Variants in ANKDD1B observed in about 807,000 individuals in gnomAD.
ANKDD1B encodes the protein ankyrin repeat and death domain-containing protein 1B.
In ANKDD1B, 57 loss-of-function variants were observed where a neutral mutation model predicts 59.7. That is an observed-to-expected ratio of 0.95 (90% CI 0.77 to 1.19). The LOEUF (loss-of-function observed/expected upper bound fraction) is 1.19. Ranked by LOEUF, ANKDD1B falls within the 50% of genes most tolerant of loss-of-function variation. ANKDD1B has a pLI of 0.00. For synonymous variants in ANKDD1B, 216 were observed against 239.5 expected (o/e 0.90, Z 0.91); for missense variants, 602 against 641.9 (o/e 0.94, Z 0.67).
At chr5:75,626,230 A>G (rs1365624535) in intron 5 of ANKDD1B, among the ~76,000 whole-genome samples, 1 of 152,202 alleles carries the variant, frequency 6.6e-6, no homozygotes, top group East Asian at 1.9e-4. Flanking sequence ...TGTGGATAGT[A>G]TCCTATCCCC....
intron 6 of ANKDD1B, 129 bp from the exon 7 acceptor site, chr5:75,635,655 T>C (rs965815767): frequency 2.4e-5 from 11 of 455,678 alleles, no homozygotes; most frequent in Admixed American, 4.0e-5. Flanking sequence ...GCAGATACAG[T>C]GGTCCACACT....
At chr5:75,632,562 GCAGGAGCC>G (rs1466118950) in intron 5 of ANKDD1B, among the ~76,000 whole-genome samples, 2 of 152,202 alleles carry the variant, frequency 1.3e-5, no homozygotes, top group African/African-American at 4.8e-5. Flanking sequence ...GGTAGAAGAG[GCAGGAGCC>G]TATAATTAAC....
At chr5:75,633,550 C>T (rs1208849085) in intron 5 of ANKDD1B, among the ~76,000 whole-genome samples, 1 of 152,122 alleles carries the variant, frequency 6.6e-6, no homozygotes, top group Non-Finnish European at 1.5e-5. Flanking sequence ...TATTTTTTAA[C>T]ATTAAGACAC....
chr5:75,652,912 G>GCATAGTAA (rs1774868208), intron 7 of ANKDD1B, among the ~76,000 whole-genome samples: 1 of 152,196 alleles, frequency 6.6e-6, no homozygotes, highest in Non-Finnish European at 1.5e-5. Context: ...AACCTGTACA[G>GCATAGTAA]CATAGTAACA....
Position 75,611,517 on chromosome 5 carries a change from C to A in ANKDD1B, c.-118C>A. The A allele has an allele frequency of 1.3e-6, 1 of 796,770 alleles. No homozygotes were observed. Among genetic ancestry groups the A allele is most frequent in the Non-Finnish European group, 1.7e-6 (1 of 591,666 alleles). 49.4% of individuals were successfully genotyped at this position (796,770 alleles called of 1,614,324 possible). A position where few individuals can be genotyped will look rare whatever the true frequency, so the allele number is the denominator to read the frequency against. On this transcript the variant is annotated 5_prime_UTR_variant, in exon 1 of 14. Coordinates refer to ENST00000601380, the MANE Select transcript of ANKDD1B (RefSeq NM_001276713.2). ...CCTGCGCTCCGGCCGGGCTGACCTGCCTGCGTCCAGCCCCCGCGCCCTGGG... is the reference window on the plus strand; with the variant it reads ...CCTGCGCTCCGGCCGGGCTGACCTGACTGCGTCCAGCCCCCGCGCCCTGGG...
At chr5:75,614,442 C>T (rs577751313) in intron 1 of ANKDD1B, among the ~76,000 whole-genome samples, 1 of 151,578 alleles carries the variant, frequency 6.6e-6, no homozygotes, top group African/African-American at 2.4e-5. Context: ...ACTATACAAA[C>T]ATCCTTGAAA....
chr5:75,637,713 C>A (rs1774355710), intron 7 of ANKDD1B, among the ~76,000 whole-genome samples: 1 of 152,106 alleles, frequency 6.6e-6, no homozygotes, highest in Non-Finnish European at 1.5e-5. Flanking sequence ...CAAGATAACT[C>A]AGTTAATTGT....
chr5:75,630,069 C>G (rs1346665831), intron 5 of ANKDD1B, among the ~76,000 whole-genome samples: 3 of 152,156 alleles, frequency 2.0e-5, no homozygotes, highest in African/African-American at 7.2e-5. Context: ...GGCCTGGAGC[C>G]CAGGGCTCTG....
intron 7 of ANKDD1B, among the ~76,000 whole-genome samples, chr5:75,650,019 G>A (rs940283932): frequency 8.5e-5 from 13 of 152,112 alleles, no homozygotes; most frequent in Admixed American, 7.2e-4. Context: ...TAATAGTTAC[G>A]GTTACCATAC....
chr5:75,622,274 C>T (rs1221178359), intron 3 of ANKDD1B, among the ~76,000 whole-genome samples: 1 of 152,234 alleles, frequency 6.6e-6, no homozygotes, highest in Non-Finnish European at 1.5e-5. Context: ...TGCACATCAC[C>T]TGCAAGCTTG....
rs568006882 is a variant in ANKDD1B, at chr5:75,611,624, C to G, written c.-11C>G. 1 of 1,230,826 alleles carries G rather than the reference C, an allele frequency of 8.1e-7. No individual in the cohort carries two copies. Among genetic ancestry groups the G allele is most frequent in the South Asian group, 4.1e-5 (1 of 24,288 alleles). The allele number at this position is 1,230,826 out of a possible 1,614,324, so 76.2% of individuals were successfully genotyped here. A position where few individuals can be genotyped will look rare whatever the true frequency, so the allele number is the denominator to read the frequency against. On this transcript the variant is annotated 5_prime_UTR_variant, in exon 1 of 14. Coordinates refer to ENST00000601380, the MANE Select transcript of ANKDD1B (RefSeq NM_001276713.2). ...GGTCTGGCCCTGCGCTCAGGGCCCG[C>G]GGAGGAGACTATGGACCCCGCCGGG...
At chr5:75,648,264 A>AAC (rs1554068879) in intron 7 of ANKDD1B, among the ~76,000 whole-genome samples, 4,126 of 36,014 alleles carry the variant, frequency 0.11, 259 homozygotes, top group African/African-American at 0.16. Flanking sequence ...AAAAAAAAAA[A>AAC]ATTAAAAAAA....
At chr5:75,626,861 A>T (rs1774009692) in intron 5 of ANKDD1B, among the ~76,000 whole-genome samples, 2 of 152,082 alleles carry the variant, frequency 1.3e-5, no homozygotes, top group South Asian at 4.1e-4. Context: ...ATTTCTCAGC[A>T]GTAGAATATA....
rs1007099958 is a variant in ANKDD1B, at chr5:75,644,966, A to G, written c.799-8176A>G. 1.5e-5 allele frequency among the ~76,000 whole-genome samples: 2 copies of G among 130,458 alleles called. 1 individual carries two copies. Among genetic ancestry groups the G allele is most frequent in the African/African-American group, 8.8e-5 (2 of 22,616 alleles). The allele number at this position is 130,458 out of a possible 152,430, so 85.6% of individuals were successfully genotyped here. A position where few individuals can be genotyped will look rare whatever the true frequency, so the allele number is the denominator to read the frequency against. ...ATCTCACTCAAAGCCGCTCAACTAC[A>G]TGGAAACTGAACAACCTGCTCCTGA... On this transcript the variant is annotated intron_variant, in intron 7 of 13. Coordinates refer to ENST00000601380, the MANE Select transcript of ANKDD1B (RefSeq NM_001276713.2).
intron 1 of ANKDD1B, among the ~76,000 whole-genome samples, chr5:75,612,290 A>C (rs1773583021): frequency 7.0e-6 from 1 of 143,082 alleles, no homozygotes; most frequent in African/African-American, 2.6e-5. Flanking sequence ...AGCAGTTCGA[A>C]AGCTGAAAGC....
At position 75,620,396 on chromosome 5, in the gene ANKDD1B, G is replaced by C; in HGVS notation, c.379G>C (p.Val127Leu). The change falls in exon 3 of 14, where the codon GTG (valine) becomes CTG (leucine). Residue 127 changes from valine to leucine, a missense_variant. Val to Leu is a conservative substitution (Grantham distance 32). Transcript: ENST00000601380. ...VDFLLKHKARVDVADKHGLTV... is the reference protein window; with the variant it reads ...VDFLLKHKARLDVADKHGLTV... The stretch of plus-strand genomic sequence containing the variant: ...TTTCTTGCTTAAACACAAGGCCAGG[G>C]TGGATGTTGCTGATAAGGTAAGCTC... 1 of 1,532,958 alleles carries C rather than the reference G, an allele frequency of 6.5e-7. No homozygotes were observed. The highest frequency in any genetic ancestry group is 8.7e-7 in the Non-Finnish European group (1 of 1,144,182). 95.0% of individuals were successfully genotyped at this position (1,532,958 alleles called of 1,614,324 possible).
At position 75,611,618 on chromosome 5, in the gene ANKDD1B, G is replaced by C; in HGVS notation, c.-17G>C. On this transcript the variant is annotated 5_prime_UTR_variant, in exon 1 of 14. Coordinates refer to ENST00000601380, the MANE Select transcript of ANKDD1B (RefSeq NM_001276713.2). ...AGTCTGGGTCTGGCCCTGCGCTCAG[G>C]GCCCGCGGAGGAGACTATGGACCCC... 2 of 1,231,042 alleles carry C rather than the reference G, an allele frequency of 1.6e-6. No homozygotes were observed. The highest frequency in any genetic ancestry group is 2.0e-6 in the Non-Finnish European group (2 of 987,598). The allele number at this position is 1,231,042 out of a possible 1,614,324, so 76.3% of individuals were successfully genotyped here.
Position 75,611,759 on chromosome 5 carries a change from G to A in ANKDD1B, c.125G>A (p.Ser42Asn). Reference sequence around the variant, plus strand: ...GGCGCGGCCGCCCTGCCTTGGAGGAGCCTGTCCCGGATCCCGAAGCGGGAG... The same window carrying A: ...GGCGCGGCCGCCCTGCCTTGGAGGAACCTGTCCCGGATCCCGAAGCGGGAG... Reference protein sequence around the residue: ...LWGAAALPWRSLSRIPKREGL... With the variant: ...LWGAAALPWRNLSRIPKREGL... Residue 42 changes from serine to asparagine, a missense_variant, in exon 1 of 14, where the codon AGC (serine) becomes AAC (asparagine). Ser to Asn is a conservative substitution (Grantham distance 46). Coordinates refer to ENST00000601380, the MANE Select transcript of ANKDD1B (RefSeq NM_001276713.2). 1 of 1,232,028 alleles carries A rather than the reference G, an allele frequency of 8.1e-7. No homozygotes were observed. The highest frequency in any genetic ancestry group is 4.1e-5 in the South Asian group (1 of 24,326). 76.3% of individuals were successfully genotyped at this position (1,232,028 alleles called of 1,614,324 possible). A position where few individuals can be genotyped will look rare whatever the true frequency, so the allele number is the denominator to read the frequency against.
chr5:75,616,188 T>C (rs1261243915), intron 1 of ANKDD1B, among the ~76,000 whole-genome samples: 2 of 152,198 alleles, frequency 1.3e-5, no homozygotes, highest in African/African-American at 4.8e-5. Flanking sequence ...CAATAAACCC[T>C]GGAATCTTCT....
Sources: allele counts gnomAD v4.1 joint callset (sites outside exome capture counted in the v4.1 genomes callset), GRCh38; gene constraint gnomAD v4.1.1; transcripts MANE v1.5; gene names NCBI Gene and HGNC (gene_info 2026-07-23, HGNC 2026-07-21).